Variants in PTPRO observed in about 807,000 individuals in gnomAD.
PTPRO encodes protein tyrosine phosphatase receptor type O.
PTPRO carries 62 observed loss-of-function variants against 145.2 expected under a neutral mutation model. The ratio of observed to expected loss-of-function variants is 0.43; its 90% CI spans 0.35 to 0.53. The LOEUF (loss-of-function observed/expected upper bound fraction) is 0.53. Ranked by LOEUF, PTPRO falls within the 20% of genes least tolerant of loss-of-function variation. The probability of loss-of-function intolerance (pLI) is 0.01; values close to 1 mark genes in which losing one functional copy is unlikely to be tolerated. For missense variants in PTPRO, 1,345 were observed against 1,482.7 expected, an observed-to-expected ratio of 0.91 and a Z score of 1.53; for synonymous variants, 565 against 514.7, an observed-to-expected ratio of 1.10 and a Z score of -1.32.
chr12:15,568,396 C>T (rs1379145679), intron 18 of PTPRO, among the ~76,000 whole-genome samples: 3 of 152,094 alleles, frequency 2.0e-5, no homozygotes, highest in Non-Finnish European at 4.4e-5. Context: ...TGCCACTACA[C>T]TCCAGTCTGG....
intron 19 of PTPRO, among the ~76,000 whole-genome samples, chr12:15,576,976 A>G (rs1019116804): frequency 3.3e-5 from 5 of 152,204 alleles, no homozygotes; most frequent in African/African-American, 1.2e-4. Context: ...TAACCTAAAC[A>G]TCACACTGAT....
intron 1 of PTPRO, among the ~76,000 whole-genome samples, chr12:15,355,009 T>C (rs1459256228): frequency 1.3e-5 from 2 of 152,190 alleles, no homozygotes; most frequent in Non-Finnish European, 2.9e-5. Flanking sequence ...CCTATCTTCT[T>C]TGTTCTATTA....
At chr12:15,388,854 TA>T (rs1939104627) in intron 1 of PTPRO, among the ~76,000 whole-genome samples, 1 of 152,182 alleles carries the variant, frequency 6.6e-6, no homozygotes, top group Non-Finnish European at 1.5e-5. Flanking sequence ...TCATGTTTAA[TA>T]ACCACATGTG....
intron 19 of PTPRO, 88 bp downstream of exon 19, chr12:15,569,586 T>C: frequency 8.6e-7 from 1 of 1,158,644 alleles, no homozygotes; most frequent in Non-Finnish European, 1.3e-6. Flanking sequence ...CCCTGCTCAC[T>C]GGCAGTGCGT....
chr12:15,408,464 T>A (rs1939705378), intron 1 of PTPRO, among the ~76,000 whole-genome samples: 1 of 152,170 alleles, frequency 6.6e-6, no homozygotes, highest in African/African-American at 2.4e-5. Context: ...AGTCTCACTT[T>A]GTCGCCCAGG....
intron 1 of PTPRO, among the ~76,000 whole-genome samples, chr12:15,480,005 A>G (rs1474103387): frequency 1.3e-5 from 2 of 152,216 alleles, no homozygotes; most frequent in Non-Finnish European, 1.5e-5. Context: ...TGTGGGCTGC[A>G]TTCTTTAGGA....
intron 1 of PTPRO, among the ~76,000 whole-genome samples, chr12:15,454,349 C>A (rs545544272): frequency 5.3e-4 from 81 of 152,218 alleles, no homozygotes; most frequent in Admixed American, 1.4e-3. Flanking sequence ...TTTTTGGCCA[C>A]GTGTATGTCT....
intron 7 of PTPRO, among the ~76,000 whole-genome samples, chr12:15,513,173 GA>G (rs1565675765): frequency 2.5e-5 from 2 of 80,980 alleles, no homozygotes; most frequent in South Asian, 9.1e-4. Context: ...AAGAAAGAAA[GA>G]AAGAAAGAAA....
chr12:15,560,784 CAG>C (rs1943753203), intron 17 of PTPRO, among the ~76,000 whole-genome samples: 4 of 152,156 alleles, frequency 2.6e-5, no homozygotes, highest in South Asian at 4.1e-4. Flanking sequence ...CGCAATCCTG[CAG>C]AGAGTATTAC....
chr12:15,519,598 C>T (rs187397374), intron 9 of PTPRO, among the ~76,000 whole-genome samples: 24 of 152,322 alleles, frequency 1.6e-4, no homozygotes, highest in Admixed American at 1.4e-3. Flanking sequence ...CTTTGGCATT[C>T]CATAGTTAGT....
chr12:15,338,665 C>A (rs1478660506), intron 1 of PTPRO, among the ~76,000 whole-genome samples: 2 of 151,836 alleles, frequency 1.3e-5, no homozygotes, highest in Non-Finnish European at 2.9e-5. Context: ...GAGGTAAGGG[C>A]AAAATATTAA....
intron 1 of PTPRO, among the ~76,000 whole-genome samples, chr12:15,423,288 A>G (rs1195439183): frequency 1.3e-5 from 2 of 152,142 alleles, no homozygotes; most frequent in Non-Finnish European, 2.9e-5. Flanking sequence ...GGTTTCTTGG[A>G]GTTTTTACAA....
intron 26 of PTPRO, 101 bp downstream of exon 26, chr12:15,595,158 C>CT: frequency 1.3e-6 from 1 of 779,784 alleles, no homozygotes; most frequent in Middle Eastern, 2.8e-4. Flanking sequence ...TGTATTGACT[C>CT]TGACTTCACA....
chr12:15,352,432 C>T (rs1009897253), intron 1 of PTPRO, among the ~76,000 whole-genome samples: 14 of 151,990 alleles, frequency 9.2e-5, no homozygotes, highest in African/African-American at 1.9e-4. Context: ...GGGCGGATCA[C>T]GAGGTCAGGA....
intron 1 of PTPRO, among the ~76,000 whole-genome samples, chr12:15,466,616 A>G (rs1470824835): frequency 6.6e-6 from 1 of 152,206 alleles, no homozygotes; most frequent in East Asian, 1.9e-4. Flanking sequence ...CATCTAAACT[A>G]TGGCAAGCAC....
chr12:15,570,800 C>A (rs901972592), intron 19 of PTPRO, among the ~76,000 whole-genome samples: 1 of 152,070 alleles, frequency 6.6e-6, no homozygotes, highest in African/African-American at 2.4e-5. Context: ...ACACTTTTAC[C>A]TTATTAAAGC....
Position 15,586,982 on chromosome 12 carries a change from T to C in PTPRO, c.3341T>C (p.Ile1114Thr). The C allele has an allele frequency of 6.2e-7, 1 of 1,614,108 alleles. No individual in the cohort carries two copies. The highest frequency in any genetic ancestry group is 1.1e-5 in the South Asian group (1 of 91,076). ...GVPTANAAES[I>T]LQFVHMVRQQ... Reference sequence around the variant, plus strand: ...CCCACAGCAAATGCTGCAGAAAGTATCCTGCAGTTTGTACACATGGTCCGA... The same window carrying C: ...CCCACAGCAAATGCTGCAGAAAGTACCCTGCAGTTTGTACACATGGTCCGA... Residue 1114 changes from isoleucine (I) to threonine (T), a missense_variant, in exon 24 of 27, where the codon ATC (isoleucine) becomes ACC (threonine). By Grantham distance (89) the Ile-to-Thr change is moderately conservative. This residue lies in a region of PTPRO where 208 missense variants were observed against 242.8 expected (regional missense o/e 0.86). Transcript: ENST00000281171.
chr12:15,526,048 A>G, intron 11 of PTPRO, 94 bp from the exon 12 acceptor site: 3 of 1,441,450 alleles, frequency 2.1e-6, no homozygotes, highest in Non-Finnish European at 2.9e-6. Context: ...TAGAACAGAG[A>G]GGGAATGTGT....
In PTPRO at chr12:15,520,224, A is replaced by G. The variant is rs769591506; in HGVS notation, c.1803A>G (p.Ala601=). 5.0e-6 allele frequency: 8 copies of G among 1,613,728 alleles called. No individual in the cohort carries two copies. The Admixed American group carries it at 1.0e-4, about 20-fold the overall frequency. The change falls in exon 10 of 27, where the codon GCA becomes GCG. Residue 601 remains alanine, a synonymous_variant. Transcript: ENST00000281171. ...ASVRIANLLP[A]WYYNFRVTMV... is the part of the protein sequence containing the mutation. ...AGAGAATAGCTAATCTGCTGCCAGC[A>G]TGGTACTACAACTTCCGGGTTACCA...
Sources: allele counts gnomAD v4.1 joint callset (sites outside exome capture counted in the v4.1 genomes callset), GRCh38; gene constraint gnomAD v4.1.1; regional missense constraint gnomAD v4.1.1; transcripts MANE v1.5; gene names NCBI Gene and HGNC (gene_info 2026-07-23, HGNC 2026-07-21).